The following VAV2 variants were observed in gnomAD, a reference collection of about 807,000 sequenced individuals.
VAV2 encodes vav guanine nucleotide exchange factor 2, also known as guanine nucleotide exchange factor VAV2.
Under a neutral mutation model 132.5 loss-of-function variants are expected in VAV2, and 67 were observed. That is an observed-to-expected ratio of 0.51 (90% CI 0.42 to 0.62). The LOEUF (loss-of-function observed/expected upper bound fraction) is 0.62, where lower values mean the gene tolerates loss of function less well. Ranked by LOEUF, VAV2 falls within the 20% of genes least tolerant of loss-of-function variation. VAV2 has a pLI of 0.00. For synonymous variants in VAV2, 492 were observed against 443.5 expected (o/e 1.11, Z -1.37); for missense variants, 938 against 1,153.6 (o/e 0.81, Z 2.71).
intron 2 of VAV2, among the ~76,000 whole-genome samples, chr9:133,933,730 G>GTGGATGTT (rs58689542): frequency 6.0e-5 from 8 of 132,582 alleles, no homozygotes; most frequent in Non-Finnish European, 1.3e-4. Context: ...TGGATGGATG[G>GTGGATGTT]TGGATGAATG....
At chr9:133,825,684 C>T (rs944345585) in intron 4 of VAV2, among the ~76,000 whole-genome samples, 1 of 152,032 alleles carries the variant, frequency 6.6e-6, no homozygotes, top group African/African-American at 2.4e-5. Flanking sequence ...AGGACAACGG[C>T]GGGGAGGGTG....
intron 1 of VAV2, among the ~76,000 whole-genome samples, chr9:133,970,205 C>G (rs1224463882): frequency 1.3e-5 from 2 of 152,200 alleles, no homozygotes; most frequent in African/African-American, 4.8e-5. Context: ...CAATCACTCA[C>G]AAGTGCCAGG....
intron 2 of VAV2, among the ~76,000 whole-genome samples, chr9:133,887,690 G>A (rs1838767590): frequency 6.6e-6 from 1 of 152,062 alleles, no homozygotes; most frequent in Non-Finnish European, 1.5e-5. Context: ...GAGGCTGAGG[G>A]ATGAGATCAC....
At chr9:133,941,899 A>T (rs2263807) in intron 1 of VAV2, among the ~76,000 whole-genome samples, 3 of 152,142 alleles carry the variant, frequency 2.0e-5, no homozygotes, top group East Asian at 1.9e-4. Flanking sequence ...CCACCACGCC[A>T]GGCCGTGATT....
At chr9:133,936,242 CTTT>C (rs35091336) in intron 2 of VAV2, among the ~76,000 whole-genome samples, 2 of 134,880 alleles carry the variant, frequency 1.5e-5, no homozygotes, top group African/African-American at 2.8e-5. Context: ...GCCATTGCGT[CTTT>C]TTTTTTTTTT....
intron 2 of VAV2, among the ~76,000 whole-genome samples, chr9:133,904,448 C>T (rs545864797): frequency 5.3e-5 from 8 of 152,374 alleles, no homozygotes; most frequent in Admixed American, 2.0e-4. Context: ...AGGAAGCACC[C>T]GGAATCACTC....
chr9:133,901,089 C>G (rs986798763), intron 2 of VAV2, among the ~76,000 whole-genome samples: 4 of 151,720 alleles, frequency 2.6e-5, no homozygotes, highest in Non-Finnish European at 5.9e-5. Flanking sequence ...CATGAGCCAC[C>G]GTGCCCAGCC....
chr9:133,774,954 G>A lies in VAV2; in HGVS notation c.2116C>T (p.Arg706Cys), dbSNP rs369246487. ...LIRERPAEAE[R>C]FAISIKFNDE... ...ACTTACTTGATGCTTATTGCAAAGC[G>A]CTCAGCCTCGGCAGGCCGCTCCCTG... The change falls in exon 25 of 30, where the codon CGC becomes TGC. Residue 706 changes from arginine (R) to cysteine (C), a missense_variant. Physicochemically the swap from Arg to Cys is radical, Grantham distance 180 (BLOSUM62 -3). Coordinates refer to ENST00000371850, the MANE Select transcript of VAV2 (RefSeq NM_001134398.2). 96 of 1,612,804 alleles carry A rather than the reference G, an allele frequency of 6.0e-5. No individual in the cohort carries two copies. The highest frequency in any genetic ancestry group is 1.8e-4 in the East Asian group (8 of 44,838).
In VAV2 at chr9:133,909,011, T is replaced by C. The variant is rs1839779686; in HGVS notation, c.321+30092A>G. 2.0e-5 allele frequency among the ~76,000 whole-genome samples: 3 copies of C among 152,346 alleles called. No individual in the cohort carries two copies. The South Asian group carries it at 6.2e-4, about 32-fold the overall frequency. Reference sequence around the variant, plus strand: ...CACGAGGAATGATTGGGAATGAACCTGATCCGGTAAGAACATCGAACTCAA... The same window carrying C: ...CACGAGGAATGATTGGGAATGAACCCGATCCGGTAAGAACATCGAACTCAA... On this transcript the variant is annotated intron_variant, in intron 2 of 29. Coordinates refer to ENST00000371850, the MANE Select transcript of VAV2 (RefSeq NM_001134398.2).
intron 2 of VAV2, among the ~76,000 whole-genome samples, chr9:133,882,910 G>T (rs1213087545): frequency 1.1e-4 from 16 of 152,162 alleles, no homozygotes; most frequent in Non-Finnish European, 2.4e-4. Flanking sequence ...GGACAAGAGG[G>T]ACTCTGCCAT....
In VAV2 at chr9:133,834,769, G is replaced by A. The variant is rs906397287; in HGVS notation, c.381-429C>T. 7.2e-5 allele frequency among the ~76,000 whole-genome samples: 11 copies of A among 152,198 alleles called. No individual in the cohort carries two copies. The highest frequency in any genetic ancestry group is 7.2e-4 in the Admixed American group (11 of 15,292). The stretch of plus-strand genomic sequence containing the variant: ...TGGGAGGGCTGCCAGCTCAGTCCAC[G>A]CAGGAGAGGAAGCAGGAGGGGACTC... On this transcript the variant is annotated intron_variant, in intron 3 of 29. Coordinates refer to ENST00000371850, the MANE Select transcript of VAV2 (RefSeq NM_001134398.2). This position sits in a 1 kb window ranked among gnomAD's most constrained non-coding sequence, Gnocchi z 5.9.
At chr9:133,962,925 A>C (rs1170891951) in intron 1 of VAV2, among the ~76,000 whole-genome samples, 1 of 152,102 alleles carries the variant, frequency 6.6e-6, no homozygotes, top group Non-Finnish European at 1.5e-5. Context: ...ATGGCTGCTA[A>C]AAGTCTTCTT....
Position 133,788,134 on chromosome 9 carries a change from G to A in VAV2, c.1407+220C>T, listed in dbSNP as rs1468038403. On this transcript the variant is annotated intron_variant, in intron 15 of 29. Coordinates refer to ENST00000371850, the MANE Select transcript of VAV2 (RefSeq NM_001134398.2). The surrounding 1 kb of genome is among the most constrained non-coding windows in gnomAD (Gnocchi z 5.3). ...CTTGCCCACCTTTCTGGGGGGCGCT[G>A]GGCCCGGCGAGGAGCAGGCCTGCTA... Among the ~76,000 whole-genome samples the A allele has an allele frequency of 6.6e-6, 1 of 152,218 alleles. No individual in the cohort carries two copies. The highest frequency in any genetic ancestry group is 1.5e-5 in the Non-Finnish European group (1 of 68,036).
intron 2 of VAV2, among the ~76,000 whole-genome samples, chr9:133,909,052 G>T (rs1000624940): frequency 4.6e-5 from 7 of 152,192 alleles, no homozygotes; most frequent in Non-Finnish European, 7.3e-5. Context: ...AATTAACTTT[G>T]AATTACAAAA....
rs565137402 is a variant in VAV2, at chr9:133,970,077, C to T, written c.204+21998G>A. On this transcript the variant is annotated intron_variant, in intron 1 of 29. Coordinates refer to ENST00000371850, the MANE Select transcript of VAV2 (RefSeq NM_001134398.2). ...TGCTCCTGCCATCCTGGTCCTCCAC[C>T]CTCCCTGCCCACTCAACAGCTCCCA... is the stretch of plus-strand genomic sequence containing the variant. Among the ~76,000 whole-genome samples the T allele has an allele frequency of 2.6e-5, 4 of 152,238 alleles. No homozygotes were observed. In the East Asian group the frequency reaches 5.8e-4, roughly 22 times the overall value.
chr9:133,920,666 G>A (rs774797066), intron 2 of VAV2, among the ~76,000 whole-genome samples: 7 of 142,760 alleles, frequency 4.9e-5, no homozygotes, highest in African/African-American at 1.3e-4. Context: ...CCTAGGCCCC[G>A]TCACACAGAG....
At chr9:133,862,483 A>G (rs1837636223) in intron 2 of VAV2, among the ~76,000 whole-genome samples, 1 of 152,304 alleles carries the variant, frequency 6.6e-6, no homozygotes, top group East Asian at 1.9e-4. Flanking sequence ...CTGTGAGTCC[A>G]TGTGTGTGAC....
intron 3 of VAV2, among the ~76,000 whole-genome samples, chr9:133,852,480 A>C (rs905267158): frequency 6.6e-6 from 1 of 152,090 alleles, no homozygotes; most frequent in African/African-American, 2.4e-5. Context: ...TGAGCCAGAG[A>C]AGTATTCTCA....
intron 1 of VAV2, among the ~76,000 whole-genome samples, chr9:133,954,687 G>A (rs987072136): frequency 3.3e-5 from 5 of 152,248 alleles, no homozygotes; most frequent in Admixed American, 2.6e-4. Context: ...GTCCTCATGT[G>A]TATGCGTGTG....
Sources: gnomAD v4.1 joint callset for allele counts (sites outside exome capture counted in the v4.1 genomes callset) on GRCh38, gnomAD v4.1.1 for gene constraint, Gnocchi (gnomAD v3.1) non-coding constraint, MANE v1.5 for transcripts, NCBI Gene and HGNC (gene_info 2026-07-23, HGNC 2026-07-21) for gene names.